The following GPC3 variants were observed in gnomAD, a reference collection of about 807,000 sequenced individuals.
The protein encoded by GPC3 is glypican 3.
A neutral mutation model predicts 34.4 loss-of-function variants in GPC3; 3 were observed. The ratio of observed to expected loss-of-function variants is 0.09; its 90% CI spans 0.04 to 0.23. GPC3 has a LOEUF of 0.23. GPC3 is among the 10% of genes least tolerant of loss of function. GPC3 has a pLI of 1.00. For missense variants in GPC3, 351 were observed against 445.6 expected, an observed-to-expected ratio of 0.79 and a Z score of 1.91; for synonymous variants, 177 against 174.0, an observed-to-expected ratio of 1.02 and a Z score of -0.13.
At position 133,754,056 on chromosome X, in the gene GPC3, G is replaced by C. The variant is rs1310073855; in HGVS notation, c.458C>G (p.Ser153Cys). The change falls in exon 3 of 8, where the codon TCT becomes TGT. Residue 153 changes from serine to cysteine, a missense_variant. Ser to Cys is a moderately radical substitution (Grantham distance 112). Transcript: ENST00000370818. ...GATGTCAGAACCCAAGATGTAGAGA[G>C]ACACATCTGTGAAAAATTCACCCAC... ...EFVGEFFTDVSLYILGSDINV... is the reference protein window; with the variant it reads ...EFVGEFFTDVCLYILGSDINV... 1 of 1,206,264 alleles carries C rather than the reference G, an allele frequency of 8.3e-7. No homozygotes were observed. The highest frequency in any genetic ancestry group is 1.8e-5 in the South Asian group (1 of 56,813).
chrX:133,868,120 G>A (rs187393944), intron 2 of GPC3, among the ~76,000 whole-genome samples: 10 of 111,867 alleles, frequency 8.9e-5, no homozygotes, highest in East Asian at 2.8e-4. Context: ...GCAAAAACGC[G>A]GAAGGTCCAC....
intron 2 of GPC3, among the ~76,000 whole-genome samples, chrX:133,872,796 C>T (rs775903762): frequency 9.0e-6 from 1 of 111,726 alleles, no homozygotes; most frequent in South Asian, 3.8e-4. Flanking sequence ...TCAGGCAGGA[C>T]CAGCACCAAT....
intron 2 of GPC3, among the ~76,000 whole-genome samples, chrX:133,920,242 G>C (rs1379646527): frequency 9.0e-6 from 1 of 110,929 alleles, no homozygotes; most frequent in Non-Finnish European, 1.9e-5. Context: ...GCAGAAAGAT[G>C]CTTTTTCCTA....
intron 2 of GPC3, among the ~76,000 whole-genome samples, chrX:133,873,399 C>T (rs2076002374): frequency 8.9e-6 from 1 of 111,871 alleles, no homozygotes; most frequent in African/African-American, 3.3e-5. Flanking sequence ...TATATATATT[C>T]CACATCCCCC....
At chrX:133,749,034 G>A (rs2071634851) in intron 3 of GPC3, among the ~76,000 whole-genome samples, 1 of 111,653 alleles carries the variant, frequency 9.0e-6, no homozygotes, top group Non-Finnish European at 1.9e-5. Context: ...GAGGCAGGTG[G>A]ATTGCTTGAG....
rs779107592 is a variant in GPC3, at chrX:133,967,589, T to TG, written c.176-14379dup. ...GACAGCAGTTTGGTTCAGGAATATCTGCCTCATTTATTTTTTAGTTTTTTT... is the reference window on the plus strand; with the variant it reads ...GACAGCAGTTTGGTTCAGGAATATCTGGCCTCATTTATTTTTTAGTTTTTTT... On this transcript the variant is annotated intron_variant, in intron 1 of 7. Transcript: ENST00000370818. Among the ~76,000 whole-genome samples the TG allele has an allele frequency of 2.7e-5, 3 of 112,397 alleles. No homozygotes were observed. In the East Asian group the frequency reaches 8.4e-4, roughly 32 times the overall value.
chrX:133,701,691 A>C (rs1396335419), intron 3 of GPC3, among the ~76,000 whole-genome samples: 1 of 112,259 alleles, frequency 8.9e-6, no homozygotes, highest in African/African-American at 3.2e-5. Context: ...GAATTGAAAG[A>C]ATCTTCTATT....
intron 3 of GPC3, among the ~76,000 whole-genome samples, chrX:133,705,926 T>C (rs1226250918): frequency 1.8e-5 from 2 of 112,224 alleles, no homozygotes; most frequent in Non-Finnish European, 3.8e-5. Context: ...GCACTGCATG[T>C]CAAATTCTAT....
chrX:133,911,592 T>C (rs762527747), intron 2 of GPC3, among the ~76,000 whole-genome samples: 11 of 111,980 alleles, frequency 9.8e-5, no homozygotes, highest in Non-Finnish European at 2.1e-4. Flanking sequence ...ACAGATACCT[T>C]ACTAATAGAA....
chrX:133,615,405 A>G (rs1355947140), intron 6 of GPC3, among the ~76,000 whole-genome samples: 1 of 111,703 alleles, frequency 9.0e-6, no homozygotes, highest in African/African-American at 3.2e-5. Flanking sequence ...AAATCAATCA[A>G]TGTATACAAT....
At chrX:133,751,024 G>A (rs1194881892) in intron 3 of GPC3, among the ~76,000 whole-genome samples, 1 of 108,152 alleles carries the variant, frequency 9.2e-6, no homozygotes, top group Non-Finnish European at 1.9e-5. Context: ...AGTGAGCCGA[G>A]ATTACACCAC....
chrX:133,723,391 C>T (rs907366964), intron 3 of GPC3, among the ~76,000 whole-genome samples: 6 of 111,908 alleles, frequency 5.4e-5, no homozygotes, highest in African/African-American at 1.9e-4. Context: ...TCAGAGGCTT[C>T]CCCAAACTAA....
At chrX:133,810,410 G>A (rs908729093) in intron 2 of GPC3, among the ~76,000 whole-genome samples, 1 of 112,206 alleles carries the variant, frequency 8.9e-6, no homozygotes, top group Admixed American at 9.5e-5. Context: ...AGTTAACAGT[G>A]GGAGTTCTGC....
At chrX:133,965,170 A>ACCC (rs368195242) in intron 1 of GPC3, among the ~76,000 whole-genome samples, 2 of 102,435 alleles carry the variant, frequency 2.0e-5, no homozygotes, top group Non-Finnish European at 4.0e-5. Flanking sequence ...GAATGGTGTC[A>ACCC]CCCCCCCCCA....
intron 3 of GPC3, among the ~76,000 whole-genome samples, chrX:133,725,663 C>G (rs1197786432): frequency 6.3e-5 from 7 of 111,889 alleles, no homozygotes; most frequent in Non-Finnish European, 1.9e-5. Context: ...GTGAATATGA[C>G]CAAACAAGGG....
chrX:133,685,054 G>A lies in GPC3; in HGVS notation c.1292+7315C>T, dbSNP rs148771157. On this transcript the variant is annotated intron_variant, in intron 5 of 7. Coordinates refer to ENST00000370818, the MANE Select transcript of GPC3 (RefSeq NM_004484.4). ...TCTCAGAATTCACCACTATATAATT[G>A]ATCCATGTAACAAAAACCCACTTGT... 8.0e-3 allele frequency among the ~76,000 whole-genome samples: 889 copies of A among 110,592 alleles called. 8 individuals are homozygous for A. The highest frequency in any genetic ancestry group is 0.028 in the African/African-American group (841 of 30,376).
chrX:133,815,716 C>T (rs1476405077), intron 2 of GPC3, among the ~76,000 whole-genome samples: 1 of 111,801 alleles, frequency 8.9e-6, no homozygotes, highest in Non-Finnish European at 1.9e-5. Flanking sequence ...TAGGGAGAGA[C>T]CAGGCTGTGA....
At chrX:133,891,761 G>A (rs1236432062) in intron 2 of GPC3, among the ~76,000 whole-genome samples, 1 of 96,255 alleles carries the variant, frequency 1.0e-5, no homozygotes, top group Non-Finnish European at 2.0e-5. Context: ...ATCATGCCAC[G>A]ACACTCCAGC....
intron 2 of GPC3, among the ~76,000 whole-genome samples, chrX:133,942,651 T>A (rs1210694144): frequency 8.9e-6 from 1 of 111,996 alleles, no homozygotes; most frequent in Non-Finnish European, 1.9e-5. Context: ...TCCACTTTTT[T>A]ATTTCTTTGT....
Sources: allele counts gnomAD v4.1 joint callset (sites outside exome capture counted in the v4.1 genomes callset), GRCh38; gene constraint gnomAD v4.1.1; transcripts MANE v1.5; gene names NCBI Gene and HGNC (gene_info 2026-07-23, HGNC 2026-07-21).